Variants in ADAMTS17 observed in about 807,000 individuals in gnomAD.
The protein encoded by ADAMTS17 is A disintegrin and metalloproteinase with thrombospondin motifs 17.
Under a neutral mutation model 141.5 loss-of-function variants are expected in ADAMTS17, and 113 were observed. The observed-to-expected ratio is 0.80, with a 90% CI of 0.69 to 0.93. The LOEUF (loss-of-function observed/expected upper bound fraction) is 0.93. Ranked by LOEUF, ADAMTS17 falls within the 40% of genes least tolerant of loss-of-function variation. The pLI is 0.00. For synonymous variants in ADAMTS17, 768 were observed against 630.6 expected (o/e 1.22, Z -3.27); for missense variants, 1,659 against 1,517.9 (o/e 1.09, Z -1.54).
At chr15:100,227,320 C>T (rs2042340646) in intron 7 of ADAMTS17, among the ~76,000 whole-genome samples, 1 of 137,204 alleles carries the variant, frequency 7.3e-6, no homozygotes, top group Non-Finnish European at 1.5e-5. Flanking sequence ...CTGAGATCCT[C>T]TGTCTTTCCC....
chr15:100,082,534 C>G (rs1229522835), intron 15 of ADAMTS17, among the ~76,000 whole-genome samples: 1 of 151,996 alleles, frequency 6.6e-6, no homozygotes, highest in Non-Finnish European at 1.5e-5. Flanking sequence ...TTCAGGCACA[C>G]ACCACCGTGT....
chr15:100,133,234 T>A lies in ADAMTS17; in HGVS notation c.1555A>T (p.Thr519Ser), dbSNP rs764919808. ...KTKLDPPLDG[T>S]ECGADKWCRA... is the part of the protein sequence containing the mutation. Reference sequence around the variant, plus strand: ...GTTACCTTGTCTGCCCCACACTCGGTGCCATCCAGGGGAGGGTCCAGCTTG... The same window carrying A: ...GTTACCTTGTCTGCCCCACACTCGGAGCCATCCAGGGGAGGGTCCAGCTTG... The change falls in exon 11 of 22, where the codon ACC becomes TCC. Residue 519 changes from threonine (T) to serine (S), a missense_variant. Coordinates refer to ENST00000268070, the MANE Select transcript of ADAMTS17 (RefSeq NM_139057.4). The A allele has an allele frequency of 3.8e-5, 60 of 1,595,918 alleles. No homozygotes were observed. Among genetic ancestry groups the A allele is most frequent in the Non-Finnish European group, 5.0e-5 (58 of 1,170,044 alleles).
At chr15:100,324,666 G>A (rs1390281218) in intron 3 of ADAMTS17, among the ~76,000 whole-genome samples, 1 of 152,172 alleles carries the variant, frequency 6.6e-6, no homozygotes, top group Non-Finnish European at 1.5e-5. Flanking sequence ...GCAGATTCAA[G>A]AATACTAATG....
At chr15:99,986,637 G>A (rs988481789) in intron 20 of ADAMTS17, among the ~76,000 whole-genome samples, 135 of 152,256 alleles carry the variant, frequency 8.9e-4, no homozygotes, top group African/African-American at 2.5e-3. Flanking sequence ...GGTCTGTTAA[G>A]TCATGGTTTT....
chr15:100,160,072 G>A (rs1432674108), intron 8 of ADAMTS17, among the ~76,000 whole-genome samples: 1 of 151,846 alleles, frequency 6.6e-6, no homozygotes, highest in East Asian at 1.9e-4. Flanking sequence ...AGTAAAGAGG[G>A]TCTCATCAGC....
chr15:100,042,805 C>T (rs1380369260), intron 18 of ADAMTS17, among the ~76,000 whole-genome samples: 1 of 152,194 alleles, frequency 6.6e-6, no homozygotes, highest in African/African-American at 2.4e-5. Flanking sequence ...CTCAGAACAG[C>T]AAGCAACTTA....
intron 7 of ADAMTS17, among the ~76,000 whole-genome samples, chr15:100,229,550 C>T (rs1351170934): frequency 6.6e-6 from 1 of 152,190 alleles, no homozygotes; most frequent in Non-Finnish European, 1.5e-5. Context: ...CTGAGAACCA[C>T]AGCAAGGCTG....
intron 8 of ADAMTS17, among the ~76,000 whole-genome samples, chr15:100,178,030 T>A (rs1164041397): frequency 2.0e-5 from 3 of 152,194 alleles, no homozygotes; most frequent in African/African-American, 4.8e-5. Flanking sequence ...TTTCAATTTT[T>A]AAAATTTTAC....
intron 4 of ADAMTS17, among the ~76,000 whole-genome samples, chr15:100,267,696 T>C (rs2043766524): frequency 6.6e-6 from 1 of 152,138 alleles, no homozygotes; most frequent in Non-Finnish European, 1.5e-5. Context: ...CCTTCTCTAG[T>C]AGTCCGCAGT....
At chr15:100,147,949 G>A (rs2038987099) in intron 10 of ADAMTS17, among the ~76,000 whole-genome samples, 3 of 152,222 alleles carry the variant, frequency 2.0e-5, no homozygotes, top group Non-Finnish European at 2.9e-5. Context: ...AGGTTTCCTC[G>A]CCTTTTCCAG....
At chr15:100,292,558 C>A (rs1272673767) in intron 3 of ADAMTS17, among the ~76,000 whole-genome samples, 27 of 151,870 alleles carry the variant, frequency 1.8e-4, no homozygotes, top group African/African-American at 2.4e-5. Flanking sequence ...GAGAGACACT[C>A]ACCCCGTGTG....
intron 20 of ADAMTS17, among the ~76,000 whole-genome samples, chr15:99,990,986 G>T (rs1428500094): frequency 6.6e-6 from 1 of 152,110 alleles, no homozygotes; most frequent in Non-Finnish European, 1.5e-5. Flanking sequence ...AACTGAAACT[G>T]GACCCTTTCC....
At position 100,117,090 on chromosome 15, in the gene ADAMTS17, C is replaced by T; in HGVS notation, c.1722-77G>A. The T allele has an allele frequency of 3.3e-6, 5 of 1,517,934 alleles. No individual in the cohort carries two copies. In the South Asian group the frequency reaches 4.8e-5, roughly 15 times the overall value. 94.0% of individuals were successfully genotyped at this position (1,517,934 alleles called of 1,614,324 possible). On this transcript the variant is annotated intron_variant, in intron 12 of 21. Transcript: ENST00000268070. ...GGAGAGCTGTTTCCGTCTCTCTTGC[C>T]AGGGGGAGGAGAGGAAGGGGGCAGG...
At chr15:100,333,660 G>A (rs769603833) in intron 2 of ADAMTS17, among the ~76,000 whole-genome samples, 3 of 152,188 alleles carry the variant, frequency 2.0e-5, no homozygotes, top group Admixed American at 6.5e-5. Flanking sequence ...TCTGGCCCAC[G>A]ACTGCGCGTG....
intron 8 of ADAMTS17, among the ~76,000 whole-genome samples, chr15:100,176,664 A>G (rs2040349281): frequency 6.6e-6 from 1 of 152,202 alleles, no homozygotes; most frequent in Non-Finnish European, 1.5e-5. Flanking sequence ...TCATATGTGT[A>G]GAGCTCTATG....
At chr15:100,088,260 T>C (rs759560572) in intron 15 of ADAMTS17, among the ~76,000 whole-genome samples, 5 of 152,028 alleles carry the variant, frequency 3.3e-5, no homozygotes, top group Non-Finnish European at 5.9e-5. Context: ...GAGAATAAAA[T>C]ACCTAGGAAT....
intron 9 of ADAMTS17, among the ~76,000 whole-genome samples, chr15:100,153,152 G>A (rs926971120): frequency 2.5e-4 from 38 of 152,200 alleles, no homozygotes; most frequent in African/African-American, 8.9e-4. Flanking sequence ...ACAAGTACAA[G>A]TTAGACTTGC....
At chr15:100,174,727 CCT>C (rs2040275725) in intron 8 of ADAMTS17, among the ~76,000 whole-genome samples, 1 of 152,104 alleles carries the variant, frequency 6.6e-6, no homozygotes, top group African/African-American at 2.4e-5. Flanking sequence ...GTCCTCAAAC[CCT>C]CTCTGGATTT....
In ADAMTS17 at chr15:100,281,729, G is replaced by A. The variant is rs138186601; in HGVS notation, c.617-328C>T. Among the ~76,000 whole-genome samples, 81 of 152,226 alleles carry A rather than the reference G, an allele frequency of 5.3e-4. 1 individual carries two copies. The East Asian group carries it at 0.014, about 26-fold the overall frequency. On this transcript the variant is annotated intron_variant, in intron 3 of 21. Coordinates refer to ENST00000268070, the MANE Select transcript of ADAMTS17 (RefSeq NM_139057.4). Reference sequence around the variant, plus strand: ...AGAAGCACGGAGAGCTGCCAAGTACGCACAGAAAAGGAGGCCTGGACCCAG... The same window carrying A: ...AGAAGCACGGAGAGCTGCCAAGTACACACAGAAAAGGAGGCCTGGACCCAG...
Sources: gnomAD v4.1 joint callset for allele counts (sites outside exome capture counted in the v4.1 genomes callset) on GRCh38, gnomAD v4.1.1 for gene constraint, MANE v1.5 for transcripts, NCBI Gene and HGNC (gene_info 2026-07-23, HGNC 2026-07-21) for gene names.